The following KSR2 variants were observed in gnomAD, a reference collection of about 807,000 sequenced individuals.
KSR2 encodes kinase suppressor of ras 2.
Under a neutral mutation model 107.8 loss-of-function variants are expected in KSR2, and 25 were observed. The ratio of observed to expected loss-of-function variants is 0.23; its 90% confidence interval spans 0.17 to 0.32. The LOEUF (loss-of-function observed/expected upper bound fraction) is 0.32. Ranked by LOEUF, KSR2 falls within the 10% of genes least tolerant of loss-of-function variation. The probability of loss-of-function intolerance (pLI) is 1.00; values close to 1 mark genes in which losing one functional copy is unlikely to be tolerated. For synonymous variants in KSR2, 480 were observed against 507.0 expected, an observed-to-expected ratio of 0.95 and a Z score of 0.71; for missense variants, 887 against 1,268.9, an observed-to-expected ratio of 0.70 and a Z score of 4.57.
chr12:117,743,113 G>A (rs977490844), intron 4 of KSR2, among the ~76,000 whole-genome samples: 18 of 152,358 alleles, frequency 1.2e-4, no homozygotes, highest in African/African-American at 4.3e-4. Flanking sequence ...CCAAGGGCCT[G>A]CTGCTCCCAT....
intron 16 of KSR2, among the ~76,000 whole-genome samples, chr12:117,477,127 T>C (rs1427785483): frequency 6.6e-6 from 1 of 152,208 alleles, no homozygotes; most frequent in Non-Finnish European, 1.5e-5. Context: ...CTCATCCAAC[T>C]GGCCCCAGAG....
At chr12:117,566,026 C>T (rs569009980) in intron 7 of KSR2, among the ~76,000 whole-genome samples, 1 of 152,072 alleles carries the variant, frequency 6.6e-6, no homozygotes. Flanking sequence ...AAACTCATGT[C>T]GTGCCACGGG....
chr12:117,781,117 T>C (rs1444114388), intron 3 of KSR2, among the ~76,000 whole-genome samples: 1 of 152,210 alleles, frequency 6.6e-6, no homozygotes, highest in African/African-American at 2.4e-5. Flanking sequence ...CAAGATCTGA[T>C]GGTTTTATAA....
At chr12:117,850,129 G>C (rs1322764126) in intron 3 of KSR2, among the ~76,000 whole-genome samples, 1 of 152,226 alleles carries the variant, frequency 6.6e-6, no homozygotes, top group Non-Finnish European at 1.5e-5. Flanking sequence ...TTCCAAACAT[G>C]AAGGATACTT....
chr12:117,476,008 C>A (rs1257382780), intron 17 of KSR2, among the ~76,000 whole-genome samples: 1 of 152,206 alleles, frequency 6.6e-6, no homozygotes, highest in Non-Finnish European at 1.5e-5. Context: ...TAGCCAATAT[C>A]TTGACTGCAA....
chr12:117,483,453 G>A (rs1350713802), intron 16 of KSR2, among the ~76,000 whole-genome samples: 2 of 152,140 alleles, frequency 1.3e-5, no homozygotes, highest in Non-Finnish European at 2.9e-5. Flanking sequence ...GAGAGAAACT[G>A]TGGGGCTTTC....
chr12:117,830,129 A>T (rs1260137629), intron 3 of KSR2, among the ~76,000 whole-genome samples: 2 of 152,074 alleles, frequency 1.3e-5, no homozygotes, highest in East Asian at 3.9e-4. Context: ...TTAGCCAGGC[A>T]TGGTGGTGCA....
chr12:117,604,567 A>G (rs766083711), intron 5 of KSR2, among the ~76,000 whole-genome samples: 2 of 152,198 alleles, frequency 1.3e-5, no homozygotes, highest in Non-Finnish European at 2.9e-5. Context: ...AAAATGAAAC[A>G]GACAAGTTAG....
At chr12:117,835,578 T>C (rs1324718151) in intron 3 of KSR2, among the ~76,000 whole-genome samples, 1 of 152,116 alleles carries the variant, frequency 6.6e-6, no homozygotes, top group Non-Finnish European at 1.5e-5. Context: ...GCTATGTTCC[T>C]GGAGCGCTTA....
chr12:117,774,429 C>T (rs984470032), intron 3 of KSR2, among the ~76,000 whole-genome samples: 2 of 152,128 alleles, frequency 1.3e-5, no homozygotes, highest in Non-Finnish European at 2.9e-5. Flanking sequence ...GGCACTAGCC[C>T]CGCCCCAGGA....
chr12:117,531,343 T>A (rs946235499), intron 11 of KSR2, among the ~76,000 whole-genome samples: 4 of 152,134 alleles, frequency 2.6e-5, no homozygotes. Flanking sequence ...TGGTTTCACA[T>A]CCTCTCAGTA....
At chr12:117,669,375 A>G (rs1884806114) in intron 4 of KSR2, among the ~76,000 whole-genome samples, 1 of 152,144 alleles carries the variant, frequency 6.6e-6, no homozygotes, top group Admixed American at 6.6e-5. Context: ...TCAAGAATGG[A>G]TCTGTCACAT....
In KSR2 at chr12:117,880,110, C is replaced by T. The variant is rs193127875; in HGVS notation, c.181-19679G>A. Among the ~76,000 whole-genome samples the T allele has an allele frequency of 4.5e-3, 692 of 152,244 alleles. 9 individuals carry two copies. The Middle Eastern group carries it at 0.051, about 11-fold the overall frequency. ...GCGGTGAGCTGAGATTGTGCCATTG[C>T]ACTCCAGCCTGGGCAACAAGAGCGA... On this transcript the variant is annotated intron_variant, in intron 1 of 19. Coordinates refer to ENST00000339824, the MANE Select transcript of KSR2 (RefSeq NM_173598.6).
At chr12:117,766,915 G>A (rs1181043730) in intron 3 of KSR2, among the ~76,000 whole-genome samples, 1 of 151,760 alleles carries the variant, frequency 6.6e-6, no homozygotes, top group Non-Finnish European at 1.5e-5. Flanking sequence ...ACAGAGTCTT[G>A]CTCTGTCGCC....
intron 3 of KSR2, among the ~76,000 whole-genome samples, chr12:117,795,753 C>T (rs1291808881): frequency 1.3e-5 from 2 of 152,090 alleles, no homozygotes; most frequent in African/African-American, 2.4e-5. Flanking sequence ...CTCAACCTCC[C>T]GAGTAGGTGA....
At chr12:117,956,259 A>T (rs1896515281) in intron 1 of KSR2, among the ~76,000 whole-genome samples, 2 of 140,098 alleles carry the variant, frequency 1.4e-5, no homozygotes, top group African/African-American at 5.4e-5. Context: ...CAAAAAAAAA[A>T]AAAAAAAAAA....
chr12:117,837,343 T>C (rs1015534017), intron 3 of KSR2, among the ~76,000 whole-genome samples: 4 of 152,224 alleles, frequency 2.6e-5, no homozygotes, highest in Non-Finnish European at 5.9e-5. Context: ...AGTTTCTACA[T>C]TACTATGCAT....
At chr12:117,570,606 G>A (rs768519157) in intron 7 of KSR2, among the ~76,000 whole-genome samples, 4 of 152,234 alleles carry the variant, frequency 2.6e-5, no homozygotes, top group Admixed American at 6.5e-5. Context: ...AAGCGATTTA[G>A]TGGGTCTGTT....
chr12:117,497,199 A>G (rs746297822), intron 14 of KSR2, among the ~76,000 whole-genome samples: 1 of 152,146 alleles, frequency 6.6e-6, no homozygotes, highest in Non-Finnish European at 1.5e-5. Context: ...CCTTATTGTC[A>G]CAATGATGGT....
Sources: gnomAD v4.1 joint callset for allele counts (sites outside exome capture counted in the v4.1 genomes callset) on GRCh38, gnomAD v4.1.1 for gene constraint, MANE v1.5 for transcripts, NCBI Gene and HGNC (gene_info 2026-07-23, HGNC 2026-07-21) for gene names.